ATP8A2: variants seen among roughly 807,000 people sequenced by gnomAD.
The protein encoded by ATP8A2 is phospholipid-transporting ATPase IB.
In ATP8A2, 100 loss-of-function variants were observed where a neutral mutation model predicts 165.6. The observed-to-expected ratio is 0.60, with a 90% CI of 0.51 to 0.71. The LOEUF is 0.71. Among genes scored for constraint, ATP8A2 ranks in the 30% least tolerant of loss-of-function variants. ATP8A2 has a pLI of 0.00. For missense variants in ATP8A2, 1,227 were observed against 1,479.5 expected, an observed-to-expected ratio of 0.83 and a Z score of 2.80; for synonymous variants, 543 against 548.8, an observed-to-expected ratio of 0.99 and a Z score of 0.15.
At chr13:25,783,957 G>A (rs146317669) in intron 27 of ATP8A2, among the ~76,000 whole-genome samples, 119 of 152,152 alleles carry the variant, frequency 7.8e-4, no homozygotes, top group Non-Finnish European at 2.2e-4. Context: ...AGGTGGAGAG[G>A]GGGTGAGAGG....
chr13:25,943,162 C>A (rs1362377157), intron 33 of ATP8A2, among the ~76,000 whole-genome samples: 1 of 152,080 alleles, frequency 6.6e-6, no homozygotes. Context: ...TCTGGAGAGG[C>A]ATCCTCTCTC....
At chr13:25,610,136 A>G (rs2040643633) in intron 24 of ATP8A2, among the ~76,000 whole-genome samples, 1 of 152,046 alleles carries the variant, frequency 6.6e-6, no homozygotes, top group South Asian at 2.1e-4. Flanking sequence ...CCATCTATTT[A>G]TCTTTGTTTT....
intron 2 of ATP8A2, among the ~76,000 whole-genome samples, chr13:25,488,430 A>G (rs1199081788): frequency 1.3e-5 from 2 of 152,090 alleles, no homozygotes; most frequent in Admixed American, 6.5e-5. Flanking sequence ...TGATATAGTA[A>G]TTACAACTTT....
chr13:25,774,797 T>C (rs1269818596), intron 26 of ATP8A2, 52 bp from the exon 27 acceptor site: 1 of 1,083,496 alleles, frequency 9.2e-7, no homozygotes, highest in Non-Finnish European at 1.4e-6. Context: ...TGTTTGTGAC[T>C]TTTATTCCTC....
chr13:25,635,427 G>T (rs548002964), intron 24 of ATP8A2, among the ~76,000 whole-genome samples: 2 of 152,252 alleles, frequency 1.3e-5, no homozygotes, highest in East Asian at 3.9e-4. Context: ...AGGTAATTGT[G>T]GCTGAGATCG....
intron 35 of ATP8A2, among the ~76,000 whole-genome samples, chr13:26,005,956 G>A (rs181529292): frequency 4.6e-5 from 7 of 151,964 alleles, no homozygotes; most frequent in African/African-American, 1.7e-4. Flanking sequence ...CTATGACTTT[G>A]TTCTTTTTTC....
chr13:25,420,930 C>T (rs1038036078), intron 1 of ATP8A2, among the ~76,000 whole-genome samples: 1 of 152,174 alleles, frequency 6.6e-6, no homozygotes, highest in Non-Finnish European at 1.5e-5. Flanking sequence ...AAACCTCTAC[C>T]TACTTTAAGA....
chr13:25,792,798 T>C (rs1006444950), intron 27 of ATP8A2, among the ~76,000 whole-genome samples: 1 of 151,730 alleles, frequency 6.6e-6, no homozygotes, highest in African/African-American at 2.4e-5. Context: ...TATGGGCCTG[T>C]AGTCCTAGCT....
intron 35 of ATP8A2, among the ~76,000 whole-genome samples, chr13:25,994,323 GC>G (rs1196740323): frequency 1.3e-5 from 2 of 151,912 alleles, no homozygotes; most frequent in Non-Finnish European, 2.9e-5. Flanking sequence ...TCTGCAAATA[GC>G]TACAATTTTA....
intron 25 of ATP8A2, among the ~76,000 whole-genome samples, chr13:25,735,865 G>C (rs2043756922): frequency 6.6e-6 from 1 of 152,214 alleles, no homozygotes; most frequent in Non-Finnish European, 1.5e-5. Flanking sequence ...AGTAGGTACA[G>C]TAATATCCTA....
At chr13:25,449,714 A>G (rs556161257) in intron 1 of ATP8A2, among the ~76,000 whole-genome samples, 1 of 152,300 alleles carries the variant, frequency 6.6e-6, no homozygotes, top group African/African-American at 2.4e-5. Context: ...TTAGTTTTCC[A>G]TTATATATCT....
At chr13:25,787,544 A>G (rs1413168132) in intron 27 of ATP8A2, among the ~76,000 whole-genome samples, 1 of 152,232 alleles carries the variant, frequency 6.6e-6, no homozygotes, top group Non-Finnish European at 1.5e-5. Context: ...GTGTAAAGGT[A>G]GTTTCCATTT....
intron 33 of ATP8A2, among the ~76,000 whole-genome samples, chr13:25,931,871 A>C (rs1215327714): frequency 6.6e-6 from 1 of 151,348 alleles, no homozygotes; most frequent in Non-Finnish European, 1.5e-5. Context: ...ACATGGAGAA[A>C]CCCCCGTCTC....
intron 1 of ATP8A2, among the ~76,000 whole-genome samples, chr13:25,446,329 C>G (rs909815058): frequency 6.6e-6 from 1 of 152,110 alleles, no homozygotes; most frequent in Non-Finnish European, 1.5e-5. Flanking sequence ...TTCACCTAGC[C>G]CCCTCTTCCC....
chr13:25,806,713 A>G (rs1181927589), intron 27 of ATP8A2, among the ~76,000 whole-genome samples: 2 of 152,172 alleles, frequency 1.3e-5, no homozygotes, highest in East Asian at 1.9e-4. Flanking sequence ...TTGGTGAGTC[A>G]TAATGATAAC....
At chr13:25,556,422 T>C (rs187555328) in intron 13 of ATP8A2, among the ~76,000 whole-genome samples, 82 of 152,344 alleles carry the variant, frequency 5.4e-4, no homozygotes, top group African/African-American at 1.9e-3. Flanking sequence ...CTTTGGAGAA[T>C]GTCTGTTCAT....
At chr13:25,461,255 A>T (rs1446478088) in intron 1 of ATP8A2, among the ~76,000 whole-genome samples, 1 of 152,198 alleles carries the variant, frequency 6.6e-6, no homozygotes, top group Non-Finnish European at 1.5e-5. Flanking sequence ...GAGGGTCTTG[A>T]AAAGGCCTTC....
chr13:25,721,008 C>T (rs975816897), intron 25 of ATP8A2, among the ~76,000 whole-genome samples: 3 of 149,218 alleles, frequency 2.0e-5, no homozygotes, highest in Non-Finnish European at 4.4e-5. Context: ...CTCTGTCATC[C>T]AGGCTGGAGT....
intron 33 of ATP8A2, among the ~76,000 whole-genome samples, chr13:25,865,625 T>C (rs1269543792): frequency 6.6e-6 from 1 of 152,176 alleles, no homozygotes; most frequent in African/African-American, 2.4e-5. Context: ...GCTATAGAAT[T>C]GAATTATTCT....
Sources: allele counts gnomAD v4.1 joint callset (sites outside exome capture counted in the v4.1 genomes callset), GRCh38; gene constraint gnomAD v4.1.1; transcripts MANE v1.5; gene names NCBI Gene and HGNC (gene_info 2026-07-23, HGNC 2026-07-21).